Variants in CYFIP1 observed in about 807,000 individuals in gnomAD.
The protein encoded by CYFIP1 is cytoplasmic FMR1-interacting protein 1.
In CYFIP1, 58 loss-of-function variants were observed where a neutral mutation model predicts 163.5. The observed-to-expected ratio is 0.35, with a 90% CI of 0.29 to 0.44. The LOEUF is 0.44. CYFIP1 is among the 20% of genes least tolerant of loss of function. The pLI, the probability that CYFIP1 is intolerant of heterozygous loss-of-function variation, is 1.00. For synonymous variants in CYFIP1, 663 were observed against 660.7 expected, an observed-to-expected ratio of 1.00 and a Z score of -0.05; for missense variants, 1,338 against 1,653.8, an observed-to-expected ratio of 0.81 and a Z score of 3.31.
At chr15:22,953,605 T>A (rs893806788) in intron 1 of CYFIP1, among the ~76,000 whole-genome samples, 36 of 152,228 alleles carry the variant, frequency 2.4e-4, no homozygotes, top group Non-Finnish European at 2.9e-4. Context: ...GCAAAGCCAG[T>A]GTCCACTGCC....
chr15:22,935,597 C>G (rs887840057), intron 9 of CYFIP1, among the ~76,000 whole-genome samples: 1 of 151,950 alleles, frequency 6.6e-6, no homozygotes, highest in Non-Finnish European at 1.5e-5. Context: ...CAAATGACAC[C>G]ATCGAGAACG....
chr15:22,910,577 C>T lies in CYFIP1; in HGVS notation c.2211G>A (p.Thr737=), dbSNP rs1006155233. The change falls in exon 20 of 31, where the codon ACG becomes ACA. Residue 737 remains threonine, a synonymous_variant. Transcript: ENST00000617928. ...AGCGGTTAGACGGCGGGAGGTGGAT[C>T]GTGGCTCCCTGATTCTTGCATTCTG... ...LRSECKNQGA[T]IHLPPSNRYE... is the part of the protein sequence containing the mutation. 1.2e-5 allele frequency: 20 copies of T among 1,614,054 alleles called. No individual in the cohort carries two copies. The highest frequency in any genetic ancestry group is 3.3e-4 in the Middle Eastern group (2 of 6,084).
In CYFIP1 at chr15:22,927,987, G is replaced by A. The variant is rs898534847; in HGVS notation, c.1152C>T (p.Asp384=). The A allele has an allele frequency of 8.8e-6, 14 of 1,595,728 alleles. No individual in the cohort carries two copies. Among genetic ancestry groups the A allele is most frequent in the African/African-American group, 1.3e-5 (1 of 74,178 alleles). The change falls in exon 12 of 31, where the codon GAC becomes GAT. Residue 384 remains aspartate (D), a synonymous_variant. Transcript: ENST00000617928. ...GGTCGAAGAGCTTGCGGTACTCCGC[G>A]TCCGTCTTCTGGGCCTCCTGGCGGC... ...GSGRQEAQKT[D]AEYRKLFDLA...
chr15:22,873,300 A>AAT (rs1566910090), intron 29 of CYFIP1, among the ~76,000 whole-genome samples, 191 bp downstream of exon 29: 2 of 152,114 alleles, frequency 1.3e-5, no homozygotes, highest in Non-Finnish European at 2.9e-5. Flanking sequence ...AGACTCCCTG[A>AAT]ATACTAGAGT....
intron 1 of CYFIP1, among the ~76,000 whole-genome samples, chr15:22,970,699 G>A (rs1293184512): frequency 6.6e-6 from 1 of 152,172 alleles, no homozygotes; most frequent in Non-Finnish European, 1.5e-5. Context: ...AAAAAGAATA[G>A]TCTTTTCAAC....
intron 25 of CYFIP1, among the ~76,000 whole-genome samples, chr15:22,881,196 C>T (rs1438312651): frequency 1.3e-5 from 2 of 152,184 alleles, no homozygotes; most frequent in Non-Finnish European, 2.9e-5. Flanking sequence ...AGGACAGTGC[C>T]TCGTCGGTCA....
chr15:22,902,394 G>A (rs1237369567), intron 22 of CYFIP1, among the ~76,000 whole-genome samples: 2 of 152,234 alleles, frequency 1.3e-5, no homozygotes, highest in African/African-American at 2.4e-5. Flanking sequence ...GCAGACTCGG[G>A]ATGGAGAGGC....
chr15:22,964,274 CCACACACACACACACA>C (rs60879784), intron 1 of CYFIP1, among the ~76,000 whole-genome samples: 3 of 97,176 alleles, frequency 3.1e-5, no homozygotes, highest in African/African-American at 8.2e-5. Flanking sequence ...CTCCTCCTCA[CCACACACACACACACA>C]CACACACACA....
chr15:22,902,640 G>A (rs568009157), intron 22 of CYFIP1, among the ~76,000 whole-genome samples: 11 of 152,306 alleles, frequency 7.2e-5, no homozygotes, highest in South Asian at 2.1e-4. Flanking sequence ...TGGTCTTCAC[G>A]GTTTGGTTTC....
Position 22,910,648 on chromosome 15 carries a change from G to A in CYFIP1, c.2160-20C>T. 1 of 1,611,818 alleles carries A rather than the reference G, an allele frequency of 6.2e-7. No homozygotes were observed. Among genetic ancestry groups the A allele is most frequent in the Non-Finnish European group, 8.5e-7 (1 of 1,177,910 alleles). ...AGCAAACTAGTGTAGAAGGAAGACA[G>A]AAAGTTTTTCATACGCCATAAATTG... On this transcript the variant is annotated intron_variant, in intron 19 of 30. Coordinates refer to ENST00000617928, the MANE Select transcript of CYFIP1 (RefSeq NM_014608.6).
At chr15:22,939,100 C>T (rs1595660644) in intron 8 of CYFIP1, 92 bp downstream of exon 8, 2 of 1,503,366 alleles carry the variant, frequency 1.3e-6, no homozygotes, top group Admixed American at 1.7e-5. Context: ...TAAGACACAG[C>T]TGTCAAAAGG....
At chr15:22,913,693 A>G (rs1285859535) in intron 17 of CYFIP1, among the ~76,000 whole-genome samples, 9 of 150,738 alleles carry the variant, frequency 6.0e-5, no homozygotes, top group African/African-American at 1.7e-4. Flanking sequence ...CCCATGGTTG[A>G]AGGCCCGTCT....
At chr15:22,905,885 G>T (rs1440778236) in intron 21 of CYFIP1, among the ~76,000 whole-genome samples, 2 of 148,558 alleles carry the variant, frequency 1.3e-5, no homozygotes, top group African/African-American at 5.0e-5. Context: ...TCAGCCTCCC[G>T]AGTAAGCTGG....
intron 20 of CYFIP1, among the ~76,000 whole-genome samples, chr15:22,910,140 T>C (rs2060734510): frequency 1.3e-5 from 2 of 152,172 alleles, no homozygotes; most frequent in African/African-American, 4.8e-5. Context: ...TAGCTAGCTA[T>C]AAGAAATCTC....
At chr15:22,890,866 C>T (rs965941321) in intron 23 of CYFIP1, among the ~76,000 whole-genome samples, 2 of 151,916 alleles carry the variant, frequency 1.3e-5, no homozygotes, top group South Asian at 2.1e-4. Context: ...CCAACAGCCT[C>T]GAGAACGCGG....
In CYFIP1 at chr15:22,910,632, G is replaced by A. The variant is rs2060755177; in HGVS notation, c.2160-4C>T. On this transcript the variant is annotated splice_polypyrimidine_tract_variant and splice_region_variant and intron_variant, in intron 19 of 30. Coordinates refer to ENST00000617928, the MANE Select transcript of CYFIP1 (RefSeq NM_014608.6). Reference sequence around the variant, plus strand: ...TAACCGTTTATCAAGAAGCAAACTAGTGTAGAAGGAAGACAGAAAGTTTTT... The same window carrying A: ...TAACCGTTTATCAAGAAGCAAACTAATGTAGAAGGAAGACAGAAAGTTTTT... 1.2e-6 allele frequency: 2 copies of A among 1,613,274 alleles called. No homozygotes were observed. The highest frequency in any genetic ancestry group is 1.7e-6 in the Non-Finnish European group (2 of 1,179,292).
Position 22,937,157 on chromosome 15 carries a change from T to G in CYFIP1, c.847A>C (p.Lys283Gln). 1 of 1,613,796 alleles carries G rather than the reference T, an allele frequency of 6.2e-7. No homozygotes were observed. The highest frequency in any genetic ancestry group is 8.5e-7 in the Non-Finnish European group (1 of 1,179,708). Reference sequence around the variant, plus strand: ...TTTATTCTTTTCTTGGCATCCAACTTATAGATGTTACTGACACTCCCATCC... The same window carrying G: ...TTTATTCTTTTCTTGGCATCCAACTGATAGATGTTACTGACACTCCCATCC... ...LMDGSVSNIY[K>Q]LDAKKRINLS... is the part of the protein sequence containing the mutation. Residue 283 changes from lysine (K) to glutamine (Q), a missense_variant, in exon 9 of 31, where the codon AAG becomes CAG. Lys to Gln is a moderately conservative substitution (Grantham distance 53). Coordinates refer to ENST00000617928, the MANE Select transcript of CYFIP1 (RefSeq NM_014608.6).
At chr15:22,883,791 C>T (rs112514915) in intron 23 of CYFIP1, among the ~76,000 whole-genome samples, 204 of 137,920 alleles carry the variant, frequency 1.5e-3, no homozygotes, top group African/African-American at 4.7e-3. Context: ...CACTCCAGCC[C>T]GGGTGACAGA....
chr15:22,965,831 C>T (rs1417553997), intron 1 of CYFIP1, among the ~76,000 whole-genome samples: 8 of 152,068 alleles, frequency 5.3e-5, no homozygotes, highest in South Asian at 2.1e-4. Context: ...AGTTCAGGGG[C>T]GCCCCATCAA....
Sources: allele counts gnomAD v4.1 joint callset (sites outside exome capture counted in the v4.1 genomes callset), GRCh38; gene constraint gnomAD v4.1.1; transcripts MANE v1.5; gene names NCBI Gene and HGNC (gene_info 2026-07-23, HGNC 2026-07-21).